MNAT1: variants seen among roughly 807,000 people sequenced by gnomAD.
The protein encoded by MNAT1 is CDK-activating kinase assembly factor MAT1.
Under a neutral mutation model 42.0 loss-of-function variants are expected in MNAT1, and 43 were observed. The observed-to-expected ratio is 1.02, with a 90% CI of 0.80 to 1.32. The LOEUF (loss-of-function observed/expected upper bound fraction) is 1.32, where lower values mean the gene tolerates loss of function less well. MNAT1 is among the 40% of genes most tolerant of loss of function. MNAT1 has a pLI of 0.00. For synonymous variants in MNAT1, 118 were observed against 120.0 expected (o/e 0.98, Z 0.11); for missense variants, 306 against 350.4 (o/e 0.87, Z 1.01).
intron 6 of MNAT1, among the ~76,000 whole-genome samples, chr14:60,863,755 G>C (rs985526503): frequency 1.3e-5 from 2 of 152,126 alleles, no homozygotes; most frequent in South Asian, 4.2e-4. Flanking sequence ...ATTTATAAAG[G>C]ATTGTGATTT....
At chr14:60,910,009 G>A (rs2035310888) in intron 7 of MNAT1, among the ~76,000 whole-genome samples, 1 of 152,114 alleles carries the variant, frequency 6.6e-6, no homozygotes, top group Non-Finnish European at 1.5e-5. Context: ...CTGAGCAGTG[G>A]TTTGTAGTTC....
intron 7 of MNAT1, among the ~76,000 whole-genome samples, chr14:60,886,814 G>C (rs1468436788): frequency 6.6e-6 from 1 of 152,056 alleles, no homozygotes; most frequent in Non-Finnish European, 1.5e-5. Context: ...GTCATATGCA[G>C]AGAGGCATAA....
intron 6 of MNAT1, among the ~76,000 whole-genome samples, chr14:60,860,725 G>T (rs1274098711): frequency 6.6e-6 from 1 of 152,112 alleles, no homozygotes; most frequent in Admixed American, 6.6e-5. Context: ...AAAGCCCCAT[G>T]CTTTTAACAT....
chr14:60,779,778 C>A (rs1306072919), intron 1 of MNAT1, among the ~76,000 whole-genome samples: 1 of 151,508 alleles, frequency 6.6e-6, no homozygotes, highest in Non-Finnish European at 1.5e-5. Flanking sequence ...AAGTGAGACT[C>A]CGTCTCAAAG....
intron 7 of MNAT1, among the ~76,000 whole-genome samples, chr14:60,933,320 TC>T (rs1438685721): frequency 6.6e-6 from 1 of 152,140 alleles, no homozygotes; most frequent in Non-Finnish European, 1.5e-5. Flanking sequence ...TTGCCGTTCT[TC>T]CGTATAATTT....
intron 6 of MNAT1, among the ~76,000 whole-genome samples, chr14:60,860,654 G>T (rs939632273): frequency 2.6e-5 from 4 of 151,942 alleles, no homozygotes; most frequent in Non-Finnish European, 4.4e-5. Flanking sequence ...GCCCAGCTGA[G>T]ACTTTTTTTT....
At chr14:60,796,396 G>T (rs1445574606) in intron 2 of MNAT1, 27 bp downstream of exon 2, 3 of 1,593,752 alleles carry the variant, frequency 1.9e-6, no homozygotes, top group East Asian at 4.5e-5. Flanking sequence ...GAATGATTCA[G>T]TCAACAAAGA....
rs2036606341 is a variant in MNAT1 at position 60,962,213 on chromosome 14, A to G, written c.810-6016A>G. On this transcript the variant is annotated intron_variant, in intron 7 of 7. Transcript: ENST00000261245. ...CTGTGTAATGTCATCTAAGCATATA[A>G]TGGCAATACTGAAATTAGACAAACA... Among the ~76,000 whole-genome samples the G allele has an allele frequency of 7.2e-5, 11 of 152,242 alleles. No individual in the cohort carries two copies. The South Asian group carries it at 2.3e-3, about 31-fold the overall frequency.
intron 7 of MNAT1, among the ~76,000 whole-genome samples, chr14:60,926,815 A>G (rs2035777007): frequency 6.6e-6 from 1 of 152,122 alleles, no homozygotes; most frequent in African/African-American, 2.4e-5. Context: ...TAGAGGTCAG[A>G]GGGTGAGGCT....
chr14:60,906,720 TA>T (rs2035208418), intron 7 of MNAT1, among the ~76,000 whole-genome samples: 1 of 152,198 alleles, frequency 6.6e-6, no homozygotes, highest in African/African-American at 2.4e-5. Context: ...TAAAACTGAA[TA>T]AAAGTCTTTT....
At chr14:60,746,505 ACT>A (rs1323095634) in intron 1 of MNAT1, among the ~76,000 whole-genome samples, 2 of 146,560 alleles carry the variant, frequency 1.4e-5, no homozygotes, top group Non-Finnish European at 3.0e-5. Context: ...ACAGAGTGAG[ACT>A]CTGTCTCAAA....
chr14:60,889,326 A>G (rs959604773), intron 7 of MNAT1, among the ~76,000 whole-genome samples: 12 of 152,160 alleles, frequency 7.9e-5, no homozygotes, highest in Non-Finnish European at 1.5e-5. Context: ...TCTTTGACAA[A>G]CCTGAGAAAA....
At chr14:60,796,824 T>A (rs1045447575) in intron 2 of MNAT1, among the ~76,000 whole-genome samples, 6 of 152,166 alleles carry the variant, frequency 3.9e-5, no homozygotes, top group Non-Finnish European at 7.4e-5. Flanking sequence ...ATATAGTTAG[T>A]GACTCAGTGT....
At chr14:60,742,669 A>G (rs1445415130) in intron 1 of MNAT1, among the ~76,000 whole-genome samples, 1 of 152,128 alleles carries the variant, frequency 6.6e-6, no homozygotes, top group Non-Finnish European at 1.5e-5. Context: ...CCCCTCCCAT[A>G]GCACTAGGCA....
intron 7 of MNAT1, among the ~76,000 whole-genome samples, chr14:60,895,593 A>G (rs573331875): frequency 6.6e-6 from 1 of 152,136 alleles, no homozygotes; most frequent in Admixed American, 6.6e-5. Context: ...CTGTTTTCCT[A>G]CAAAGGGAAC....
At chr14:60,880,795 T>A (rs2034533665) in intron 7 of MNAT1, among the ~76,000 whole-genome samples, 2 of 152,154 alleles carry the variant, frequency 1.3e-5, no homozygotes, top group Admixed American at 1.3e-4. Flanking sequence ...ATTCAGTTCT[T>A]TATTCTCTTA....
chr14:60,819,828 G>A (rs2032826939), intron 6 of MNAT1, among the ~76,000 whole-genome samples: 1 of 151,976 alleles, frequency 6.6e-6, no homozygotes, highest in African/African-American at 2.4e-5. Context: ...TTTCCCATCT[G>A]TGGAACGGTG....
At chr14:60,792,679 A>G (rs767653642) in intron 1 of MNAT1, among the ~76,000 whole-genome samples, 5 of 152,194 alleles carry the variant, frequency 3.3e-5, no homozygotes, top group Non-Finnish European at 7.3e-5. Context: ...TTGACATGGA[A>G]TATAGTTGCT....
At chr14:60,754,794 A>T (rs1027101226) in intron 1 of MNAT1, among the ~76,000 whole-genome samples, 1 of 152,184 alleles carries the variant, frequency 6.6e-6, no homozygotes, top group Non-Finnish European at 1.5e-5. Context: ...TTTTAATATC[A>T]TGTAAGATGT....
Sources: gnomAD v4.1 joint callset for allele counts (sites outside exome capture counted in the v4.1 genomes callset) on GRCh38, gnomAD v4.1.1 for gene constraint, MANE v1.5 for transcripts, NCBI Gene and HGNC (gene_info 2026-07-23, HGNC 2026-07-21) for gene names.